Variants in SYCP1 observed in about 807,000 individuals in gnomAD.
SYCP1 encodes the protein synaptonemal complex protein 1.
A neutral mutation model predicts 153.1 loss-of-function variants in SYCP1; 64 were observed. The ratio of observed to expected loss-of-function variants is 0.42; its 90% CI spans 0.34 to 0.51. SYCP1 has a LOEUF of 0.51. Among genes scored for constraint, SYCP1 ranks in the 20% least tolerant of loss-of-function variants. The pLI, the probability that SYCP1 is intolerant of heterozygous loss-of-function variation, is 0.06. For missense variants in SYCP1, 997 were observed against 1,049.0 expected, an observed-to-expected ratio of 0.95 and a Z score of 0.68; for synonymous variants, 384 against 341.8, an observed-to-expected ratio of 1.12 and a Z score of -1.36.
intron 6 of SYCP1, among the ~76,000 whole-genome samples, chr1:114,859,382 C>T (rs1006836277): frequency 6.6e-6 from 1 of 151,710 alleles, no homozygotes; most frequent in Admixed American, 6.6e-5. Flanking sequence ...CCACTGCTCC[C>T]GGCCGAAACT....
At chr1:114,891,949 GA>G (rs1666732537) in intron 15 of SYCP1, among the ~76,000 whole-genome samples, 1 of 152,158 alleles carries the variant, frequency 6.6e-6, no homozygotes, top group Non-Finnish European at 1.5e-5. Flanking sequence ...TGCTATGAAG[GA>G]AATAAAAATG....
At chr1:114,894,357 G>C (rs534584915) in intron 15 of SYCP1, among the ~76,000 whole-genome samples, 11 of 152,260 alleles carry the variant, frequency 7.2e-5, no homozygotes, top group African/African-American at 2.4e-4. Flanking sequence ...AATCAATAAG[G>C]ACCCTTAACA....
intron 16 of SYCP1, among the ~76,000 whole-genome samples, chr1:114,897,022 A>C (rs1285060490): frequency 6.6e-6 from 1 of 152,144 alleles, no homozygotes; most frequent in Non-Finnish European, 1.5e-5. Flanking sequence ...TTTCTTGCAA[A>C]TGGCATGAAC....
At chr1:114,947,841 A>C (rs1670835050) in intron 27 of SYCP1, among the ~76,000 whole-genome samples, 6 of 124,004 alleles carry the variant, frequency 4.8e-5, no homozygotes, top group African/African-American at 1.8e-4. Flanking sequence ...AAAAAAAAAA[A>C]AGAAAAGGAA....
chr1:114,882,956 A>G (rs1666057625), intron 12 of SYCP1, among the ~76,000 whole-genome samples: 1 of 152,186 alleles, frequency 6.6e-6, no homozygotes. Flanking sequence ...TACCTTCTGT[A>G]ATCTTTGGGT....
In SYCP1 at chr1:114,984,810, GA is replaced by G; in HGVS notation, c.2650del (p.Met884TrpfsTer18). On this transcript the variant is annotated frameshift_variant, in exon 30 of 32. Coordinates refer to ENST00000369522, the MANE Select transcript of SYCP1 (RefSeq NM_003176.4). LOFTEE classifies it high-confidence loss of function. Reference sequence around the variant, plus strand: ...CCCATTGAAGAAAGTAAAAAAAAGAGAAAAATGGCCTTTGAATTTGATATTA... The same window carrying G: ...CCCATTGAAGAAAGTAAAAAAAAGAGAAAATGGCCTTTGAATTTGATATTA... ...NIPIEESKKK[R>X]KMAFEFDINS... 4.7e-6 allele frequency: 7 copies of G among 1,503,832 alleles called. No individual in the cohort carries two copies. Among genetic ancestry groups the G allele is most frequent in the East Asian group, 4.9e-5 (2 of 40,670 alleles). The allele number at this position is 1,503,832 out of a possible 1,614,324, so 93.2% of individuals were successfully genotyped here.
intron 23 of SYCP1, among the ~76,000 whole-genome samples, chr1:114,932,088 A>G (rs183434938): frequency 7.1e-4 from 108 of 152,308 alleles, no homozygotes; most frequent in Admixed American, 2.4e-3. Context: ...TAGGCATACA[A>G]TCTTGAACTC....
intron 20 of SYCP1, among the ~76,000 whole-genome samples, chr1:114,914,993 C>T (rs761690527): frequency 4.9e-4 from 74 of 151,600 alleles, no homozygotes; most frequent in Admixed American, 9.9e-4. Context: ...GCAACCTGGG[C>T]TTTGCAGTTA....
Position 114,984,799 on chromosome 1 carries a change from TAA to T in SYCP1, c.2641_2642del (p.Lys881GlufsTer6). ...ACTTGAATATACCCATTGAAGAAAG[TAA>T]AAAAAAGAGAAAAATGGCCTTTGAA... ...ENLNIPIEESKKKRKMAFEFD... is the reference protein window; with the variant it reads ...ENLNIPIEESXKKRKMAFEFD... On this transcript the variant is annotated frameshift_variant, in exon 30 of 32. Transcript: ENST00000369522. LOFTEE classifies it high-confidence loss of function. The T allele has an allele frequency of 1.3e-6, 2 of 1,509,620 alleles. No individual in the cohort carries two copies. Among genetic ancestry groups the T allele is most frequent in the Admixed American group, 2.2e-5 (1 of 46,350 alleles). The allele number at this position is 1,509,620 out of a possible 1,614,324, so 93.5% of individuals were successfully genotyped here. A position where few individuals can be genotyped will look rare whatever the true frequency, so the allele number is the denominator to read the frequency against.
chr1:114,866,855 A>C (rs360624), intron 8 of SYCP1, among the ~76,000 whole-genome samples: 72,251 of 150,370 alleles, frequency 0.48, 18,010 homozygotes, highest in Non-Finnish European at 0.55. Flanking sequence ...GTCTATGATA[A>C]ATTTTGAGTT....
intron 16 of SYCP1, among the ~76,000 whole-genome samples, chr1:114,902,395 T>G (rs1667524632): frequency 1.3e-5 from 2 of 152,320 alleles, no homozygotes; most frequent in African/African-American, 2.4e-5. Context: ...CAGGAAAGAT[T>G]AGGCTTGCAG....
At chr1:114,862,351 TG>T (rs1484262306) in intron 8 of SYCP1, among the ~76,000 whole-genome samples, 3 of 128,808 alleles carry the variant, frequency 2.3e-5, no homozygotes, top group South Asian at 2.5e-4. Flanking sequence ...TTTTGTTCTT[TG>T]TTTTTTTTTT....
chr1:114,881,067 A>ACG (rs1212623401), intron 12 of SYCP1, among the ~76,000 whole-genome samples: 1 of 151,374 alleles, frequency 6.6e-6, no homozygotes, highest in East Asian at 1.9e-4. Flanking sequence ...ACACACACAC[A>ACG]CACACACACA....
At chr1:114,946,127 T>C (rs1342359034) in intron 25 of SYCP1, among the ~76,000 whole-genome samples, 162 bp from the exon 26 acceptor site, 1 of 152,076 alleles carries the variant, frequency 6.6e-6, no homozygotes, top group East Asian at 1.9e-4. Context: ...ATTAAAAATA[T>C]ATACCCATAT....
At chr1:114,890,033 G>T (rs1401764543) in intron 15 of SYCP1, among the ~76,000 whole-genome samples, 1 of 152,000 alleles carries the variant, frequency 6.6e-6, no homozygotes, top group Non-Finnish European at 1.5e-5. Context: ...AAATGCAATT[G>T]TATTATATGA....
chr1:114,856,943 A>C (rs1664000086), intron 3 of SYCP1, among the ~76,000 whole-genome samples: 1 of 147,186 alleles, frequency 6.8e-6, no homozygotes, highest in East Asian at 2.0e-4. Context: ...AAAAAAAAAA[A>C]AACCAGCAAA....
chr1:114,964,020 T>G (rs1465149601), intron 27 of SYCP1, among the ~76,000 whole-genome samples: 8 of 152,194 alleles, frequency 5.3e-5, no homozygotes. Context: ...TTTCTCCACA[T>G]CCTCTCCAGC....
rs1359431752 is a variant in SYCP1, at chr1:114,944,415, T to C, written c.2003T>C (p.Ile668Thr). Reference sequence around the variant, plus strand: ...ATCACAGACACCTATCAGAAAGAAATTGAGGACAAAAAGATATCAGAAGAA... The same window carrying C: ...ATCACAGACACCTATCAGAAAGAAACTGAGGACAAAAAGATATCAGAAGAA... ...GEITDTYQKE[I>T]EDKKISEENL... The change falls in exon 24 of 32, where the codon ATT (isoleucine) becomes ACT (threonine). Residue 668 changes from isoleucine to threonine, a missense_variant. Transcript: ENST00000369522. 2.5e-6 allele frequency: 4 copies of C among 1,604,896 alleles called. No individual in the cohort carries two copies. Among genetic ancestry groups the C allele is most frequent in the Non-Finnish European group, 3.4e-6 (4 of 1,176,020 alleles).
chr1:114,974,986 G>A (rs1672721500), intron 27 of SYCP1, among the ~76,000 whole-genome samples: 2 of 151,748 alleles, frequency 1.3e-5, no homozygotes, highest in Admixed American at 1.3e-4. Context: ...ATCCACATCA[G>A]CATTTGTTAT....
Sources: allele counts gnomAD v4.1 joint callset (sites outside exome capture counted in the v4.1 genomes callset), GRCh38; gene constraint gnomAD v4.1.1; transcripts MANE v1.5; gene names NCBI Gene and HGNC (gene_info 2026-07-23, HGNC 2026-07-21).